The following CSMD2 variants were observed in gnomAD, a reference collection of about 807,000 sequenced individuals.
CSMD2 encodes CUB and sushi domain-containing protein 2.
In CSMD2, 130 loss-of-function variants were observed where a neutral mutation model predicts 398.5. That is an observed-to-expected ratio of 0.33 (90% CI 0.28 to 0.38). The LOEUF (loss-of-function observed/expected upper bound fraction) is 0.38. Ranked by LOEUF, CSMD2 falls within the 10% of genes least tolerant of loss-of-function variation. The pLI, the probability that CSMD2 is intolerant of heterozygous loss-of-function variation, is 1.00. For synonymous variants in CSMD2, 1,828 were observed against 1,908.5 expected (o/e 0.96, Z 1.10); for missense variants, 3,829 against 4,764.9 (o/e 0.80, Z 5.78).
intron 1 of CSMD2, among the ~76,000 whole-genome samples, chr1:34,107,853 C>T (rs1037149290): frequency 6.6e-6 from 1 of 152,122 alleles, no homozygotes; most frequent in Non-Finnish European, 1.5e-5. Context: ...CATGGGGACG[C>T]CTGAGCACAT....
chr1:33,599,761 C>A, intron 44 of CSMD2: 2 of 175,422 alleles, frequency 1.1e-5, no homozygotes, highest in Non-Finnish European at 2.4e-5. Flanking sequence ...ATTGCACTCA[C>A]CCTGGACGAT....
chr1:33,580,892 T>G lies in CSMD2; in HGVS notation c.7248A>C (p.Ser2416=). ...GGGCTTTCAGCAGAGGACTCTGTCCTGATGGACCTGGGGTGAGAAGGACGC... is the reference window on the plus strand; with the variant it reads ...GGGCTTTCAGCAGAGGACTCTGTCCGGATGGACCTGGGGTGAGAAGGACGC... The part of the protein sequence containing the change: ...YDEFEIFDGP[S]GQSPLLKALS... The change falls in exon 48 of 71, where the codon TCA becomes TCC. Residue 2416 remains serine (S), a synonymous_variant. Transcript: ENST00000373381. The G allele has an allele frequency of 3.7e-6, 6 of 1,614,038 alleles. No individual in the cohort carries two copies. Among genetic ancestry groups the G allele is most frequent in the Non-Finnish European group, 5.1e-6 (6 of 1,179,966 alleles).
Position 33,970,373 on chromosome 1 carries a change from C to T in CSMD2, c.518-34419G>A, listed in dbSNP as rs188980519. Among the ~76,000 whole-genome samples, 148 of 152,220 alleles carry T rather than the reference C, an allele frequency of 9.7e-4. 2 individuals are homozygous for T. In the East Asian group the frequency reaches 0.02, roughly 20 times the overall value. The stretch of plus-strand genomic sequence containing the variant: ...TCCCTCCCTCAGGAATCCCTGTGTC[C>T]GCAATCGCTAATCCCACCCTCATTC... On this transcript the variant is annotated intron_variant, in intron 3 of 70. Coordinates refer to ENST00000373381, the MANE Select transcript of CSMD2 (RefSeq NM_001281956.2).
chr1:33,629,065 GA>G (rs199766428), intron 32 of CSMD2, among the ~76,000 whole-genome samples: 18,655 of 128,504 alleles, frequency 0.15, 1,286 homozygotes, highest in East Asian at 0.25. Flanking sequence ...AAGCCCTACT[GA>G]AAAAAAAAAA....
chr1:33,534,822 A>T (rs1227291586), intron 62 of CSMD2, among the ~76,000 whole-genome samples: 1 of 152,138 alleles, frequency 6.6e-6, no homozygotes, highest in East Asian at 1.9e-4. Flanking sequence ...GTCATCTTTG[A>T]TCCCTTCGAC....
At chr1:33,803,533 A>C (rs1355259761) in intron 10 of CSMD2, among the ~76,000 whole-genome samples, 2 of 152,214 alleles carry the variant, frequency 1.3e-5, no homozygotes, top group African/African-American at 2.4e-5. Flanking sequence ...TCATGGAATA[A>C]ATATAGGCCG....
chr1:33,594,953 C>A (rs1480439800), intron 44 of CSMD2, among the ~76,000 whole-genome samples: 3 of 152,230 alleles, frequency 2.0e-5, no homozygotes, highest in African/African-American at 4.8e-5. Context: ...AAGTCGCCAA[C>A]ATGTTGCCCT....
At chr1:34,011,838 A>T (rs1325257) in intron 3 of CSMD2, among the ~76,000 whole-genome samples, 23,017 of 151,958 alleles carry the variant, frequency 0.15, 2,362 homozygotes, top group East Asian at 0.46. Flanking sequence ...TGATTTTTTC[A>T]ACCCATTAAT....
chr1:33,528,158 A>G (rs936619332), intron 64 of CSMD2, among the ~76,000 whole-genome samples: 11 of 152,196 alleles, frequency 7.2e-5, no homozygotes, highest in Admixed American at 5.9e-4. Flanking sequence ...CCAGACAGCC[A>G]AGGTTCAGGT....
chr1:33,809,448 A>G (rs1216342262), intron 10 of CSMD2, among the ~76,000 whole-genome samples: 3 of 152,086 alleles, frequency 2.0e-5, no homozygotes, highest in African/African-American at 7.2e-5. Flanking sequence ...GCTTCATAAA[A>G]TTCAATAACC....
At chr1:33,725,701 C>G (rs1413656173) in intron 16 of CSMD2, among the ~76,000 whole-genome samples, 165 bp from the exon 17 acceptor site, 2 of 152,150 alleles carry the variant, frequency 1.3e-5, no homozygotes, top group African/African-American at 2.4e-5. Context: ...GAAGGACCTT[C>G]TCCACTCTAT....
intron 25 of CSMD2, among the ~76,000 whole-genome samples, chr1:33,675,148 C>CA (rs1292980922): frequency 6.6e-6 from 1 of 151,978 alleles, no homozygotes; most frequent in African/African-American, 2.4e-5. Flanking sequence ...AAAAACCCTT[C>CA]AAAAAATCAA....
At chr1:33,620,026 GA>G (rs1641663125) in intron 37 of CSMD2, among the ~76,000 whole-genome samples, 1 of 152,156 alleles carries the variant, frequency 6.6e-6, no homozygotes, top group South Asian at 2.1e-4. Flanking sequence ...GTGGTAGGAA[GA>G]AAAATGGAAT....
chr1:33,935,986 C>T (rs769757105), intron 3 of CSMD2, 32 bp from the exon 4 acceptor site: 6 of 1,574,500 alleles, frequency 3.8e-6, no homozygotes, highest in South Asian at 1.2e-5. Flanking sequence ...GAGACGGGTA[C>T]CCCGTGAGCT....
At chr1:33,794,122 C>T (rs557335478) in intron 10 of CSMD2, among the ~76,000 whole-genome samples, 3 of 152,294 alleles carry the variant, frequency 2.0e-5, no homozygotes, top group East Asian at 1.9e-4. Context: ...CAAATCAAAC[C>T]GTTCAGCACC....
chr1:33,756,781 A>AT (rs1460441199), intron 13 of CSMD2, among the ~76,000 whole-genome samples: 1 of 152,208 alleles, frequency 6.6e-6, no homozygotes, highest in Non-Finnish European at 1.5e-5. Context: ...TAGAAATACC[A>AT]TTTGACCCAG....
chr1:33,817,820 T>C (rs536260872), intron 9 of CSMD2, among the ~76,000 whole-genome samples: 3 of 152,312 alleles, frequency 2.0e-5, no homozygotes, highest in African/African-American at 4.8e-5. Flanking sequence ...CAGCTAAAAA[T>C]GATGATGGTT....
intron 55 of CSMD2, among the ~76,000 whole-genome samples, chr1:33,556,027 A>C (rs1358719575): frequency 6.6e-6 from 1 of 152,162 alleles, no homozygotes; most frequent in Admixed American, 6.5e-5. Flanking sequence ...TCACTCCTCC[A>C]CTGAAGCAGC....
At chr1:33,579,169 C>T (rs117898032) in intron 48 of CSMD2, among the ~76,000 whole-genome samples, 1 of 152,312 alleles carries the variant, frequency 6.6e-6, no homozygotes, top group East Asian at 1.9e-4. Flanking sequence ...TCCTTAATAA[C>T]GTTCAGTTCC....
Sources: gnomAD v4.1 joint callset for allele counts (sites outside exome capture counted in the v4.1 genomes callset) on GRCh38, gnomAD v4.1.1 for gene constraint, MANE v1.5 for transcripts, NCBI Gene and HGNC (gene_info 2026-07-23, HGNC 2026-07-21) for gene names.